Variants in NUDT3 observed in about 807,000 individuals in gnomAD.
The protein encoded by NUDT3 is diphosphoinositol polyphosphate phosphohydrolase 1.
Under a neutral mutation model 23.6 loss-of-function variants are expected in NUDT3, and 9 were observed. That is an observed-to-expected ratio of 0.38 (90% CI 0.23 to 0.66). NUDT3 has a LOEUF of 0.66. NUDT3 is among the 30% of genes least tolerant of loss of function. The pLI is 0.52. For synonymous variants in NUDT3, 86 were observed against 82.6 expected (o/e 1.04, Z -0.22); for missense variants, 172 against 218.5 (o/e 0.79, Z 1.34).
intron 1 of NUDT3, among the ~76,000 whole-genome samples, chr6:34,358,268 C>A (rs1340833057): frequency 6.6e-6 from 1 of 151,580 alleles, no homozygotes. Flanking sequence ...TACACACACA[C>A]ACACACACAC....
Position 34,392,352 on chromosome 6 carries a change from A to G in NUDT3, c.11T>C (p.Leu4Pro). 1 of 1,602,570 alleles carries G rather than the reference A, an allele frequency of 6.2e-7. No individual in the cohort carries two copies. The highest frequency in any genetic ancestry group is 8.5e-7 in the Non-Finnish European group (1 of 1,176,148). The change falls in exon 1 of 5, where the codon CTC becomes CCC. Residue 4 changes from leucine to proline, a missense_variant. Physicochemically the swap from Leu to Pro is moderately conservative, Grantham distance 98. Around this residue, in one of 3 missense-constraint regions of NUDT3, gnomAD observed 50 missense variants for 46.2 expected, o/e 1.08. Coordinates refer to ENST00000607016, the MANE Select transcript of NUDT3 (RefSeq NM_006703.4). ...GTAGGTGCGGGTCTGGTTCGACTTG[A>G]GCTTCATCATCCTCCGGGCCCGGGT... MMK[L>P]KSNQTRTYDG...
chr6:34,360,007 T>C (rs1764621938), intron 1 of NUDT3, among the ~76,000 whole-genome samples: 2 of 152,010 alleles, frequency 1.3e-5, no homozygotes, highest in Non-Finnish European at 2.9e-5. Context: ...AGTGAGCAGA[T>C]TGCTTGAGTC....
intron 1 of NUDT3, among the ~76,000 whole-genome samples, chr6:34,378,555 G>A (rs1764963272): frequency 6.6e-6 from 1 of 152,170 alleles, no homozygotes; most frequent in Non-Finnish European, 1.5e-5. Flanking sequence ...TATTGGAGTG[G>A]CAAGGACTAT....
intron 1 of NUDT3, among the ~76,000 whole-genome samples, chr6:34,364,899 T>C (rs1385094206): frequency 6.6e-6 from 1 of 152,018 alleles, no homozygotes; most frequent in Non-Finnish European, 1.5e-5. Context: ...CGGGTGCCTG[T>C]AGTCCGAGCT....
At chr6:34,335,631 G>A (rs1358954877) in intron 2 of NUDT3, among the ~76,000 whole-genome samples, 1 of 151,120 alleles carries the variant, frequency 6.6e-6, no homozygotes, top group African/African-American at 2.4e-5. Flanking sequence ...AAAATCTTAA[G>A]AAGCTTATAT....
intron 2 of NUDT3, among the ~76,000 whole-genome samples, chr6:34,300,048 CT>C (rs1475650066): frequency 6.6e-6 from 1 of 152,060 alleles, no homozygotes; most frequent in Admixed American, 6.5e-5. Context: ...CTGCCCGGCC[CT>C]GCTTTTTTAA....
chr6:34,329,248 A>G (rs1202605838), intron 2 of NUDT3, among the ~76,000 whole-genome samples: 2 of 152,196 alleles, frequency 1.3e-5, no homozygotes, highest in African/African-American at 4.8e-5. Flanking sequence ...ATAGATATAC[A>G]CACATATACA....
At chr6:34,303,423 C>T (rs981581135) in intron 2 of NUDT3, among the ~76,000 whole-genome samples, 1 of 151,754 alleles carries the variant, frequency 6.6e-6, no homozygotes, top group African/African-American at 2.4e-5. Context: ...ACAATTTTGT[C>T]TCTGGAATCT....
In NUDT3 at chr6:34,357,013, G is replaced by A. The variant is rs1211374329; in HGVS notation, c.100-15041C>T. 3.3e-5 allele frequency among the ~76,000 whole-genome samples: 5 copies of A among 152,228 alleles called. No individual in the cohort carries two copies. The East Asian group carries it at 7.7e-4, about 24-fold the overall frequency. The stretch of plus-strand genomic sequence containing the variant: ...AGGATGGTCTCGATCTCCTGACCTC[G>A]TGATCCGCCTGCCTCGGCCTCCCAA... On this transcript the variant is annotated intron_variant, in intron 1 of 4. Coordinates refer to ENST00000607016, the MANE Select transcript of NUDT3 (RefSeq NM_006703.4).
At chr6:34,329,215 T>G (rs546182263) in intron 2 of NUDT3, among the ~76,000 whole-genome samples, 4 of 152,146 alleles carry the variant, frequency 2.6e-5, no homozygotes, top group Non-Finnish European at 5.9e-5. Context: ...TATAGAGAGA[T>G]ATACATAAAA....
At position 34,288,896 on chromosome 6, in the gene NUDT3, T is replaced by C. The variant is rs1254493245; in HGVS notation, c.376A>G (p.Ile126Val). ...KREWFKIEDA[I>V]KVLQYHKPVQ... ...GGTTTGTGATACTGCAGCACTTTTA[T>C]GGCGTCTTCTATTTTAAACCATTCC... The change falls in exon 5 of 5, where the codon ATA (isoleucine) becomes GTA (valine). Residue 126 changes from isoleucine to valine, a missense_variant. By Grantham distance (29) the Ile-to-Val change is conservative. Transcript: ENST00000607016. 1 of 1,613,490 alleles carries C rather than the reference T, an allele frequency of 6.2e-7. No individual in the cohort carries two copies. Among genetic ancestry groups the C allele is most frequent in the South Asian group, 1.1e-5 (1 of 90,930 alleles).
chr6:34,379,539 GAC>G (rs1463507442), intron 1 of NUDT3, among the ~76,000 whole-genome samples: 2 of 151,692 alleles, frequency 1.3e-5, no homozygotes, highest in Non-Finnish European at 2.9e-5. Flanking sequence ...AAGCCTGGGC[GAC>G]AGAGAGAGAC....
chr6:34,334,611 C>T (rs933659031), intron 2 of NUDT3, among the ~76,000 whole-genome samples: 4 of 150,260 alleles, frequency 2.7e-5, no homozygotes, highest in South Asian at 2.1e-4. Context: ...CCAGCATGGG[C>T]GACAACAGTG....
At chr6:34,340,997 G>T (rs572505044) in intron 2 of NUDT3, among the ~76,000 whole-genome samples, 1 of 152,266 alleles carries the variant, frequency 6.6e-6, no homozygotes, top group South Asian at 2.1e-4. Context: ...TAGACTTGTT[G>T]TAAGTGCTTT....
At chr6:34,322,098 G>A (rs941526768) in intron 2 of NUDT3, among the ~76,000 whole-genome samples, 11 of 152,156 alleles carry the variant, frequency 7.2e-5, no homozygotes, top group Non-Finnish European at 1.5e-4. Flanking sequence ...ACTTCAGAAA[G>A]TTCTATTGGA....
chr6:34,334,318 T>C (rs1407200232), intron 2 of NUDT3, among the ~76,000 whole-genome samples: 1 of 152,136 alleles, frequency 6.6e-6, no homozygotes, highest in Admixed American at 6.5e-5. Context: ...GAGATATGTG[T>C]TGAGCACTGG....
At chr6:34,390,651 C>T (rs1765183679) in intron 1 of NUDT3, among the ~76,000 whole-genome samples, 7 of 152,092 alleles carry the variant, frequency 4.6e-5, no homozygotes. Context: ...AGCCACCACG[C>T]CCGGCCTGGT....
intron 1 of NUDT3, among the ~76,000 whole-genome samples, chr6:34,349,818 C>T (rs532006804): frequency 1.3e-5 from 2 of 150,842 alleles, no homozygotes; most frequent in South Asian, 4.2e-4. Flanking sequence ...AGGCCAGGCA[C>T]GGTGGCTCAC....
chr6:34,360,755 T>C (rs1373886541), intron 1 of NUDT3, among the ~76,000 whole-genome samples: 1 of 151,750 alleles, frequency 6.6e-6, no homozygotes, highest in African/African-American at 2.4e-5. Context: ...TAAAATGTAC[T>C]ACATACCAAG....
Sources: gnomAD v4.1 joint callset for allele counts (sites outside exome capture counted in the v4.1 genomes callset) on GRCh38, gnomAD v4.1.1 for gene constraint, gnomAD v4.1.1 regional missense constraint, MANE v1.5 for transcripts, NCBI Gene and HGNC (gene_info 2026-07-23, HGNC 2026-07-21) for gene names.